XPO6: variants seen among roughly 807,000 people sequenced by gnomAD.
XPO6 encodes the protein exportin 6.
A neutral mutation model predicts 130.0 loss-of-function variants in XPO6; 3 were observed. The observed-to-expected ratio is 0.02, with a 90% CI of 0.01 to 0.06. The LOEUF (loss-of-function observed/expected upper bound fraction) is 0.06, where lower values mean the gene tolerates loss of function less well. Ranked by LOEUF, XPO6 falls within the 10% of genes least tolerant of loss-of-function variation. The pLI is 1.00. For missense variants in XPO6, 970 were observed against 1,393.0 expected (o/e 0.70, Z 4.83); for synonymous variants, 524 against 548.9 (o/e 0.95, Z 0.63).
intron 9 of XPO6, among the ~76,000 whole-genome samples, chr16:28,141,541 G>A (rs545599590): frequency 6.6e-6 from 1 of 152,052 alleles, no homozygotes; most frequent in Non-Finnish European, 1.5e-5. Context: ...AGGAAAATCC[G>A]GGCCTTTCCA....
chr16:28,177,669 A>G (rs2043554226), intron 2 of XPO6, among the ~76,000 whole-genome samples: 1 of 152,218 alleles, frequency 6.6e-6, no homozygotes, highest in South Asian at 2.1e-4. Context: ...TAAAACTGCT[A>G]GCTAACTTAC....
Position 28,132,248 on chromosome 16 carries a change from T to A in XPO6, c.1606+86A>T. On this transcript the variant is annotated intron_variant, in intron 12 of 23. Transcript: ENST00000304658. The surrounding 1 kb of genome is among the most constrained non-coding windows in gnomAD (Gnocchi z 4.0). Reference sequence around the variant, plus strand: ...GGAGGCTGCAGTGAAGAAATCATGTTCCGACAGCAACGGCAGCAGTAATGA... The same window carrying A: ...GGAGGCTGCAGTGAAGAAATCATGTACCGACAGCAACGGCAGCAGTAATGA... The A allele has an allele frequency of 9.6e-7, 1 of 1,038,566 alleles. No homozygotes were observed. Among genetic ancestry groups the A allele is most frequent in the Non-Finnish European group, 1.4e-6 (1 of 693,584 alleles). 64.3% of individuals were successfully genotyped at this position (1,038,566 alleles called of 1,614,324 possible). A position where few individuals can be genotyped will look rare whatever the true frequency, so the allele number is the denominator to read the frequency against.
intron 1 of XPO6, among the ~76,000 whole-genome samples, chr16:28,186,371 A>ATCCTTTTTTTTTTTTTTTTTTTTTTT (rs2043692526): frequency 9.9e-5 from 1 of 10,136 alleles, no homozygotes; most frequent in African/African-American, 4.1e-4. Context: ...TGCCCCAGTT[A>ATCCTTTTTTTTTTTTTTTTTTTTTTT]TTCTTTTTTT....
At chr16:28,146,342 G>C (rs2042982516) in intron 8 of XPO6, 139 bp from the exon 9 acceptor site, 3 of 696,090 alleles carry the variant, frequency 4.3e-6, no homozygotes, top group Non-Finnish European at 7.2e-6. Flanking sequence ...AACCAAAACT[G>C]GTGGCTTTTA....
At chr16:28,194,350 G>A (rs1159594595) in intron 1 of XPO6, among the ~76,000 whole-genome samples, 1 of 152,138 alleles carries the variant, frequency 6.6e-6, no homozygotes. Context: ...TCTCACTGCT[G>A]CAAACGAAGA....
intron 7 of XPO6, chr16:28,153,221 C>G: frequency 1.0e-6 from 1 of 994,076 alleles, no homozygotes; most frequent in Non-Finnish European, 1.2e-6. Context: ...CTACGAAGGG[C>G]ATGGCATCCA....
At chr16:28,099,548 T>C (rs1283391206) in intron 23 of XPO6, among the ~76,000 whole-genome samples, 3 of 152,238 alleles carry the variant, frequency 2.0e-5, no homozygotes, top group Non-Finnish European at 2.9e-5. Flanking sequence ...CACCCAGGTC[T>C]GCCTCCTGCT....
intron 1 of XPO6, among the ~76,000 whole-genome samples, chr16:28,201,289 C>G (rs1596974322): frequency 6.6e-6 from 1 of 152,166 alleles, no homozygotes; most frequent in African/African-American, 2.4e-5. Flanking sequence ...TCTCCAAATA[C>G]TATTACTATC....
At position 28,183,056 on chromosome 16, in the gene XPO6, A is replaced by C. The variant is rs566185093; in HGVS notation, c.4-2025T>G. On this transcript the variant is annotated intron_variant, in intron 1 of 23. Coordinates refer to ENST00000304658, the MANE Select transcript of XPO6 (RefSeq NM_015171.4). ...TATCTCTCCATAACTTCTTGTGTTG[A>C]ATCATTTTAAAGTAGATCCTGCAGC... Among the ~76,000 whole-genome samples, 53 of 152,316 alleles carry C rather than the reference A, an allele frequency of 3.5e-4. 1 individual carries two copies. In the South Asian group the frequency reaches 0.011, roughly 30 times the overall value.
intron 7 of XPO6, chr16:28,154,255 TAAAAAAAAA>T (rs11284457): frequency 6.2e-6 from 5 of 811,900 alleles, no homozygotes; most frequent in East Asian, 4.0e-4. Context: ...ACTACCCATT[TAAAAAAAAA>T]AAAAAAAAAA....
rs954048609 is a variant in XPO6 at position 28,101,323 on chromosome 16, G to A, written c.3276+135C>T. ...ACAGCACCAGGTCAGCAGGCATCTC[G>A]TGAGCTGCCGCCAAGCTGCAGGGTG... On this transcript the variant is annotated intron_variant, in intron 23 of 23. Transcript: ENST00000304658. The surrounding 1 kb of genome is among the most constrained non-coding windows in gnomAD (Gnocchi z 5.4). The A allele has an allele frequency of 1.4e-5, 11 of 766,782 alleles. No homozygotes were observed. The highest frequency in any genetic ancestry group is 1.4e-4 in the African/African-American group (8 of 58,420). 47.5% of individuals were successfully genotyped at this position (766,782 alleles called of 1,614,324 possible).
At chr16:28,121,123 A>T (rs889283383) in intron 14 of XPO6, among the ~76,000 whole-genome samples, 4 of 152,258 alleles carry the variant, frequency 2.6e-5, no homozygotes, top group Non-Finnish European at 5.9e-5. Context: ...TTCTGTAGGT[A>T]GAGAGTGTGG....
intron 7 of XPO6, 175 bp from the exon 8 acceptor site, chr16:28,152,960 A>T (rs1199005216): frequency 7.7e-7 from 1 of 1,294,594 alleles, no homozygotes; most frequent in East Asian, 3.6e-5. Context: ...CATTCCATTA[A>T]CCACCTGAAA....
chr16:28,199,774 G>C (rs983581314), intron 1 of XPO6, among the ~76,000 whole-genome samples: 1 of 151,854 alleles, frequency 6.6e-6, no homozygotes, highest in Admixed American at 6.5e-5. Context: ...TCGAACGCCT[G>C]ACCTTGTGAT....
chr16:28,180,384 T>G (rs1329666698), intron 2 of XPO6, among the ~76,000 whole-genome samples: 1 of 151,758 alleles, frequency 6.6e-6, no homozygotes, highest in Non-Finnish European at 1.5e-5. Flanking sequence ...CAAAAAAATT[T>G]TTTTTTGAGA....
chr16:28,135,379 GA>G, intron 9 of XPO6, 55 bp from the exon 10 acceptor site: 1 of 1,426,914 alleles, frequency 7.0e-7, no homozygotes, highest in Non-Finnish European at 9.9e-7. Flanking sequence ...TTAGAATTTG[GA>G]AAATGCCTCC....
At chr16:28,180,192 C>T (rs951019566) in intron 2 of XPO6, among the ~76,000 whole-genome samples, 4 of 151,952 alleles carry the variant, frequency 2.6e-5, no homozygotes, top group Admixed American at 2.0e-4. Flanking sequence ...GGTGAAACCC[C>T]GTCTCTACTA....
At chr16:28,107,804 G>T in intron 17 of XPO6, 127 bp from the exon 18 acceptor site, 2 of 1,031,550 alleles carry the variant, frequency 1.9e-6, no homozygotes, top group Non-Finnish European at 2.9e-6. Flanking sequence ...CTCACTAAAG[G>T]AACAGTCTCT....
Position 28,111,961 on chromosome 16 carries a change from G to A in XPO6, c.2197C>T (p.Pro733Ser), listed in dbSNP as rs769143225. 1 of 1,613,996 alleles carries A rather than the reference G, an allele frequency of 6.2e-7. No homozygotes were observed. Among genetic ancestry groups the A allele is most frequent in the South Asian group, 1.1e-5 (1 of 91,036 alleles). ...CRALSNILLL[P>S]WPNLPENEQQ... The stretch of plus-strand genomic sequence containing the variant: ...TCATTCTCTGGAAGGTTTGGCCACG[G>A]AAGCAGCAAGATGTTAGAGAGGGCT... Residue 733 changes from proline (P) to serine (S), a missense_variant, in exon 17 of 24, where the codon CCG becomes TCG. Pro to Ser is a moderately conservative substitution (Grantham distance 74). Coordinates refer to ENST00000304658, the MANE Select transcript of XPO6 (RefSeq NM_015171.4).
Sources: gnomAD v4.1 joint callset for allele counts (sites outside exome capture counted in the v4.1 genomes callset) on GRCh38, gnomAD v4.1.1 for gene constraint, Gnocchi (gnomAD v3.1) non-coding constraint, MANE v1.5 for transcripts, NCBI Gene and HGNC (gene_info 2026-07-23, HGNC 2026-07-21) for gene names.